CHL1: variants seen among roughly 807,000 people sequenced by gnomAD.
CHL1 encodes cell adhesion molecule L1 like.
In CHL1, 96 loss-of-function variants were observed where a neutral mutation model predicts 141.9. That is an observed-to-expected ratio of 0.68 (90% CI 0.57 to 0.80). The LOEUF (loss-of-function observed/expected upper bound fraction) is 0.80. Among genes scored for constraint, CHL1 ranks in the 30% least tolerant of loss-of-function variants. The pLI, the probability that CHL1 is intolerant of heterozygous loss-of-function variation, is 0.00. For synonymous variants in CHL1, 613 were observed against 502.2 expected (o/e 1.22, Z -2.95); for missense variants, 1,820 against 1,457.2 (o/e 1.25, Z -4.05).
chr3:394,773 C>G lies in CHL1; in HGVS notation c.2995C>G (p.Leu999Val). 6.2e-7 allele frequency: 1 copy of G among 1,613,930 alleles called. No homozygotes were observed. The highest frequency in any genetic ancestry group is 8.5e-7 in the Non-Finnish European group (1 of 1,179,868). Reference sequence around the variant, plus strand: ...AAAGCCCAGCTGGCACCTCTCAAACCTGAATGCAACTACCAAGTACAAATT... The same window carrying G: ...AAAGCCCAGCTGGCACCTCTCAAACGTGAATGCAACTACCAAGTACAAATT... ...PSKPSWHLSN[L>V]NATTKYKFYL... The change falls in exon 24 of 28, where the codon CTG becomes GTG. Residue 999 changes from leucine (L) to valine (V), a missense_variant. Leu to Val is a conservative substitution (Grantham distance 32). Transcript: ENST00000256509.
At chr3:341,881 C>A in intron 6 of CHL1, 31 bp from the exon 7 acceptor site, 2 of 1,529,454 alleles carry the variant, frequency 1.3e-6, no homozygotes, top group Non-Finnish European at 1.8e-6. Flanking sequence ...GGGACAATTG[C>A]CCTTTTCAAT....
At position 342,078 on chromosome 3, in the gene CHL1, C is replaced by A. The variant is rs1047674357; in HGVS notation, c.675C>A (p.Asn225Lys). 6.2e-7 allele frequency: 1 copy of A among 1,607,770 alleles called. No homozygotes were observed. The highest frequency in any genetic ancestry group is 8.5e-7 in the Non-Finnish European group (1 of 1,175,074). Residue 225 changes from asparagine (N) to lysine (K), a missense_variant, in exon 7 of 28, where the codon AAC becomes AAA. By Grantham distance (94) the Asn-to-Lys change is moderately conservative (BLOSUM62 0). Transcript: ENST00000256509. ...VQKMPMKLTV[N>K]SLKHANDSSS... ...AAATGCCAATGAAACTAACAGTTAA[C>A]AGTTGTAAGTCCACATAATTTATCG...
chr3:366,967 C>G (rs73013181), intron 15 of CHL1, among the ~76,000 whole-genome samples: 2 of 152,198 alleles, frequency 1.3e-5, no homozygotes, highest in Non-Finnish European at 2.9e-5. Context: ...CTAGCAAAAC[C>G]TAAATCATAT....
At chr3:275,765 A>G (rs1458224929) in intron 2 of CHL1, among the ~76,000 whole-genome samples, 1 of 152,176 alleles carries the variant, frequency 6.6e-6, no homozygotes, top group Non-Finnish European at 1.5e-5. Flanking sequence ...AACAAAGCCT[A>G]TTACTGTGTT....
intron 1 of CHL1, among the ~76,000 whole-genome samples, chr3:221,302 A>T (rs1174993157): frequency 6.6e-6 from 1 of 152,226 alleles, no homozygotes; most frequent in African/African-American, 2.4e-5. Context: ...ATTTTACAGA[A>T]TTTGACTCTT....
intron 2 of CHL1, among the ~76,000 whole-genome samples, chr3:294,227 G>A (rs1388922670): frequency 6.6e-6 from 1 of 152,070 alleles, no homozygotes; most frequent in East Asian, 1.9e-4. Flanking sequence ...GGTGAGGTTG[G>A]AGAATCACTT....
intron 1 of CHL1, among the ~76,000 whole-genome samples, chr3:218,057 A>G (rs1472982521): frequency 6.6e-6 from 1 of 152,200 alleles, no homozygotes; most frequent in Non-Finnish European, 1.5e-5. Flanking sequence ...TATAACCCAC[A>G]GCCCCTGCAC....
chr3:344,761 A>G (rs377420653), intron 9 of CHL1, 52 bp downstream of exon 9: 3 of 1,569,762 alleles, frequency 1.9e-6, no homozygotes, highest in African/African-American at 1.4e-5. Flanking sequence ...TCTGTAAAGA[A>G]TAAGACATCA....
chr3:382,074 G>A, intron 16 of CHL1, 105 bp from the exon 17 acceptor site: 1 of 880,866 alleles, frequency 1.1e-6, no homozygotes, highest in African/African-American at 1.7e-5. Context: ...AGGTCCCTAA[G>A]AGGGTGGTAC....
chr3:228,332 T>C (rs1701548508), intron 1 of CHL1, among the ~76,000 whole-genome samples: 1 of 152,200 alleles, frequency 6.6e-6, no homozygotes, highest in Middle Eastern at 3.2e-3. Flanking sequence ...CAACGACACC[T>C]TAAAGGCTTA....
intron 1 of CHL1, among the ~76,000 whole-genome samples, chr3:216,843 T>C (rs1381964762): frequency 6.6e-6 from 1 of 152,168 alleles, no homozygotes; most frequent in African/African-American, 2.4e-5. Context: ...GGAAATGCCA[T>C]GATAGAGGCT....
At chr3:227,251 C>G (rs1701438020) in intron 1 of CHL1, among the ~76,000 whole-genome samples, 2 of 151,910 alleles carry the variant, frequency 1.3e-5, no homozygotes. Flanking sequence ...TATAGACAAG[C>G]TATATAAAAA....
chr3:351,277 A>G (rs767119121), intron 10 of CHL1, among the ~76,000 whole-genome samples: 3 of 152,234 alleles, frequency 2.0e-5, no homozygotes, highest in Non-Finnish European at 4.4e-5. Context: ...AATTGTTCTC[A>G]CTACTCATAA....
chr3:230,953 A>C (rs1016925031), intron 1 of CHL1, among the ~76,000 whole-genome samples: 1 of 152,154 alleles, frequency 6.6e-6, no homozygotes. Context: ...ATATTTATGG[A>C]GAAAGAATCC....
chr3:328,950 A>G (rs1413748945), intron 5 of CHL1, among the ~76,000 whole-genome samples: 1 of 152,170 alleles, frequency 6.6e-6, no homozygotes, highest in African/African-American at 2.4e-5. Flanking sequence ...GTCCCATCTA[A>G]CATCAATAGT....
At chr3:219,297 A>G (rs1700615221) in intron 1 of CHL1, among the ~76,000 whole-genome samples, 1 of 152,208 alleles carries the variant, frequency 6.6e-6, no homozygotes, top group South Asian at 2.1e-4. Context: ...CAGAAATACC[A>G]TTCAATCCTG....
Position 405,430 on chromosome 3 carries a change from G to T in CHL1, c.3459-65G>T, listed in dbSNP as rs1251847525. ...ATAAAATCTTTTATCACTTATGACT[G>T]TGTTGCTTTACATGAATATTAATAT... On this transcript the variant is annotated intron_variant, in intron 27 of 27. Transcript: ENST00000256509. The T allele has an allele frequency of 2.8e-6, 3 of 1,068,898 alleles. No homozygotes were observed. In the East Asian group the frequency reaches 7.2e-5, roughly 26 times the overall value. The allele number at this position is 1,068,898 out of a possible 1,614,324, so 66.2% of individuals were successfully genotyped here. A position where few individuals can be genotyped will look rare whatever the true frequency, so the allele number is the denominator to read the frequency against.
At chr3:279,629 A>G (rs1004933088) in intron 2 of CHL1, among the ~76,000 whole-genome samples, 3 of 152,210 alleles carry the variant, frequency 2.0e-5, no homozygotes, top group Non-Finnish European at 4.4e-5. Context: ...AAGTATAAAC[A>G]TTAGTCCTTG....
chr3:353,755 C>G (rs1703467621), intron 10 of CHL1, among the ~76,000 whole-genome samples: 1 of 152,098 alleles, frequency 6.6e-6, no homozygotes, highest in African/African-American at 2.4e-5. Flanking sequence ...AAATGGAAAT[C>G]TAAAATATCT....
Sources: allele counts gnomAD v4.1 joint callset (sites outside exome capture counted in the v4.1 genomes callset), GRCh38; gene constraint gnomAD v4.1.1; transcripts MANE v1.5; gene names NCBI Gene and HGNC (gene_info 2026-07-23, HGNC 2026-07-21).